The following NME8 variants were observed in gnomAD, a reference collection of about 807,000 sequenced individuals.
NME8 encodes the protein protein NME8.
NME8 carries 72 observed loss-of-function variants against 82.3 expected under a neutral mutation model. The ratio of observed to expected loss-of-function variants is 0.87; its 90% CI spans 0.72 to 1.06. The LOEUF (loss-of-function observed/expected upper bound fraction) is 1.06. NME8 is among the 50% of genes least tolerant of loss of function. NME8 has a pLI of 0.00. For missense variants in NME8, 712 were observed against 685.4 expected, an observed-to-expected ratio of 1.04 and a Z score of -0.43; for synonymous variants, 267 against 228.5, an observed-to-expected ratio of 1.17 and a Z score of -1.52.
intron 4 of NME8, 93 bp from the exon 5 acceptor site, chr7:37,850,536 C>A: frequency 6.6e-7 from 1 of 1,521,248 alleles, no homozygotes; most frequent in Non-Finnish European, 9.1e-7. Flanking sequence ...AGAAATCCTG[C>A]AGTGCCTTTG....
chr7:37,876,026 T>G (rs1490609636), intron 11 of NME8, among the ~76,000 whole-genome samples: 1 of 151,868 alleles, frequency 6.6e-6, no homozygotes, highest in Non-Finnish European at 1.5e-5. Context: ...GGCAACATGG[T>G]GAAACTCCAT....
chr7:37,883,305 A>G (rs1221910894), intron 12 of NME8, among the ~76,000 whole-genome samples: 2 of 152,234 alleles, frequency 1.3e-5, no homozygotes, highest in African/African-American at 2.4e-5. Flanking sequence ...TAATTTAAAA[A>G]AAACTTCAGT....
At position 37,884,333 on chromosome 7, in the gene NME8, A is replaced by C; in HGVS notation, c.1025A>C (p.Asp342Ala). The change falls in exon 13 of 18, where the codon GAC (aspartate) becomes GCC (alanine). Residue 342 changes from aspartate (D) to alanine (A), a missense_variant. Asp to Ala is a moderately radical substitution (Grantham distance 126). Transcript: ENST00000199447. ...GTTTTGCGTATTATTAAAGATGAAG[A>C]CTTCAAAATACTGGAGCAAAGACAA... ...DDVLRIIKDE[D>A]FKILEQRQVV... 3 of 1,593,066 alleles carry C rather than the reference A, an allele frequency of 1.9e-6. No individual in the cohort carries two copies.
chr7:37,874,657 A>G (rs1199314613), intron 11 of NME8, among the ~76,000 whole-genome samples: 2 of 152,222 alleles, frequency 1.3e-5, no homozygotes, highest in Non-Finnish European at 2.9e-5. Context: ...AGATAAAGTA[A>G]GATGAAAAAA....
chr7:37,878,167 T>A (rs577164696), intron 12 of NME8, among the ~76,000 whole-genome samples: 26 of 152,206 alleles, frequency 1.7e-4, no homozygotes, highest in Non-Finnish European at 3.1e-4. Context: ...AGAATTTTTA[T>A]CAGGAAAGGA....
intron 14 of NME8, among the ~76,000 whole-genome samples, chr7:37,886,840 T>G (rs1785047687): frequency 6.7e-6 from 1 of 148,682 alleles, no homozygotes. Context: ...AAGGGCAGAA[T>G]GGAAAGGTCA....
intron 11 of NME8, among the ~76,000 whole-genome samples, chr7:37,871,304 G>A (rs1301693862): frequency 6.6e-6 from 1 of 152,170 alleles, no homozygotes; most frequent in Non-Finnish European, 1.5e-5. Context: ...TGGGGGAAGA[G>A]CCAGGGAAAC....
Position 37,888,409 on chromosome 7 carries a change from T to C in NME8, c.1380T>C (p.His460=), listed in dbSNP as rs1366366150. ...GCACTTTAGGCTTGATTAAACCTCA[T>C]GCAACAAGTGAACAAAGAGGTAAAT... The part of the protein sequence containing the change: ...LQSTLGLIKP[H]ATSEQREQIL... Residue 460 remains histidine (H), a synonymous_variant, in exon 15 of 18, where the codon CAT becomes CAC. Transcript: ENST00000199447. 3 of 1,612,964 alleles carry C rather than the reference T, an allele frequency of 1.9e-6. No individual in the cohort carries two copies. The highest frequency in any genetic ancestry group is 1.1e-5 in the South Asian group (1 of 91,052).
chr7:37,881,137 A>G lies in NME8; in HGVS notation c.995-3166A>G, dbSNP rs972871273. Among the ~76,000 whole-genome samples, 4 of 152,128 alleles carry G rather than the reference A, an allele frequency of 2.6e-5. No homozygotes were observed. In the East Asian group the frequency reaches 5.8e-4, roughly 22 times the overall value. On this transcript the variant is annotated intron_variant, in intron 12 of 17. Transcript: ENST00000199447. Reference sequence around the variant, plus strand: ...TTTCATTTCCTCATTCTGAATCAGTATACCTTTTATTTCCTTTTCTTGTGT... The same window carrying G: ...TTTCATTTCCTCATTCTGAATCAGTGTACCTTTTATTTCCTTTTCTTGTGT...
At chr7:37,882,502 A>G (rs531193761) in intron 12 of NME8, among the ~76,000 whole-genome samples, 178 of 151,044 alleles carry the variant, frequency 1.2e-3, no homozygotes, top group African/African-American at 3.1e-3. Context: ...AGAAAAAAAG[A>G]AAAGAAATAA....
chr7:37,893,020 G>A (rs536340922), intron 15 of NME8, among the ~76,000 whole-genome samples: 9 of 151,502 alleles, frequency 5.9e-5, no homozygotes, highest in Non-Finnish European at 1.0e-4. Flanking sequence ...TAAGGGTTTG[G>A]GTTAGCTCAT....
chr7:37,897,484 T>G (rs1243621479), intron 17 of NME8, among the ~76,000 whole-genome samples: 1 of 152,188 alleles, frequency 6.6e-6, no homozygotes, highest in African/African-American at 2.4e-5. Flanking sequence ...TTCTCTGCTT[T>G]GAATGGCCAA....
chr7:37,874,749 T>TA (rs890099045), intron 11 of NME8, among the ~76,000 whole-genome samples: 6 of 152,134 alleles, frequency 3.9e-5, no homozygotes, highest in South Asian at 2.1e-4. Flanking sequence ...AGGTAAAGGT[T>TA]AAAAAAACCT....
chr7:37,878,706 T>A (rs988544934), intron 12 of NME8, among the ~76,000 whole-genome samples: 4 of 152,134 alleles, frequency 2.6e-5, no homozygotes, highest in Non-Finnish European at 5.9e-5. Flanking sequence ...AGTTTTAGAT[T>A]TACAGAAAAA....
chr7:37,858,993 A>G (rs1227602637), intron 6 of NME8, among the ~76,000 whole-genome samples: 1 of 152,108 alleles, frequency 6.6e-6, no homozygotes, highest in African/African-American at 2.4e-5. Context: ...TCCACATGAC[A>G]TGCTGTCTCC....
At chr7:37,878,989 G>T (rs76266232) in intron 12 of NME8, among the ~76,000 whole-genome samples, 5,120 of 151,934 alleles carry the variant, frequency 0.034, 281 homozygotes, top group African/African-American at 0.12. Flanking sequence ...GAATAGAATT[G>T]CCACCCTAAC....
Position 37,896,960 on chromosome 7 carries a change from AT to A in NME8, c.1637del (p.Leu546TyrfsTer13). 1 of 1,613,902 alleles carries A rather than the reference AT, an allele frequency of 6.2e-7. No homozygotes were observed. Among genetic ancestry groups the A allele is most frequent in the Non-Finnish European group, 8.5e-7 (1 of 1,179,904 alleles). ...GCCCAACAGACCCAGAAGAAGCAAA[AT>A]TACTTTCCCCTGACTCCATCCGAGC... ...MGPTDPEEAKLLSPDSIRAQF... is the reference protein window; with the variant it reads ...MGPTDPEEAKXLSPDSIRAQF... On this transcript the variant is annotated frameshift_variant, in exon 17 of 18. Transcript: ENST00000199447. LOFTEE classifies it high-confidence loss of function.
intron 11 of NME8, among the ~76,000 whole-genome samples, chr7:37,871,101 G>A (rs951032093): frequency 1.3e-5 from 2 of 152,226 alleles, no homozygotes; most frequent in Non-Finnish European, 2.9e-5. Flanking sequence ...TGAGACAGGA[G>A]AGAAGTTAAA....
chr7:37,885,381 A>G (rs1785026081), intron 14 of NME8, 129 bp downstream of exon 14: 1 of 713,790 alleles, frequency 1.4e-6, no homozygotes, highest in Admixed American at 2.1e-5. Context: ...TTTCCTGGGG[A>G]CGGAGTGGAC....
Sources: gnomAD v4.1 joint callset for allele counts (sites outside exome capture counted in the v4.1 genomes callset) on GRCh38, gnomAD v4.1.1 for gene constraint, MANE v1.5 for transcripts, NCBI Gene and HGNC (gene_info 2026-07-23, HGNC 2026-07-21) for gene names.